The following LFNG variants were observed in gnomAD, a reference collection of about 807,000 sequenced individuals.
The protein encoded by LFNG is beta-1,3-N-acetylglucosaminyltransferase lunatic fringe.
LFNG carries 15 observed loss-of-function variants against 32.7 expected under a neutral mutation model. The ratio of observed to expected loss-of-function variants is 0.46; its 90% CI spans 0.31 to 0.71. LFNG has a LOEUF of 0.71. Ranked by LOEUF, LFNG falls within the 30% of genes least tolerant of loss-of-function variation. The pLI, the probability that LFNG is intolerant of heterozygous loss-of-function variation, is 0.06. For synonymous variants in LFNG, 274 were observed against 246.8 expected, an observed-to-expected ratio of 1.11 and a Z score of -1.03; for missense variants, 520 against 545.7, an observed-to-expected ratio of 0.95 and a Z score of 0.47.
At position 2,525,297 on chromosome 7, in the gene LFNG, G is replaced by A. The variant is rs372894218; in HGVS notation, c.560G>A (p.Arg187His). The A allele has an allele frequency of 1.6e-5, 26 of 1,612,994 alleles. No individual in the cohort carries two copies. In the South Asian group the frequency reaches 1.9e-4, roughly 12 times the overall value. Residue 187 changes from arginine (R) to histidine (H), a missense_variant, in exon 3 of 8, where the codon CGC becomes CAC. By Grantham distance (29) the Arg-to-His change is conservative. This residue lies in a region of LFNG where 360 missense variants were observed against 354.7 expected (regional missense o/e 1.01). Transcript: ENST00000222725. ...TGCAAGATGGCCGTGGAGTATGACCGCTTCATCGAGTCCGGCAGGAAGTGA... is the reference window on the plus strand; with the variant it reads ...TGCAAGATGGCCGTGGAGTATGACCACTTCATCGAGTCCGGCAGGAAGTGA... ...LSCKMAVEYDRFIESGRKWFC... is the reference protein window; with the variant it reads ...LSCKMAVEYDHFIESGRKWFC...
chr7:2,528,471 C>T, downstream of LFNG: 2 of 979,808 alleles, frequency 2.0e-6, no homozygotes, highest in Non-Finnish European at 2.4e-6. Context: ...GGCCTAAGCC[C>T]CAGGGCAGCC....
At chr7:2,514,874 CCATT>C (rs1562548678), upstream of LFNG, among the ~76,000 whole-genome samples, 2 of 151,966 alleles carry the variant, frequency 1.3e-5, no homozygotes, top group Non-Finnish European at 1.5e-5. Flanking sequence ...ATCCATCCAT[CCATT>C]CATCCATGCA....
chr7:2,525,266 C>T lies in LFNG; in HGVS notation c.529C>T (p.Leu177=). Reference sequence around the variant, plus strand: ...CTCGGCCGCCCACAGCCGCCAGGCGCTGTCCTGCAAGATGGCCGTGGAGTA... The same window carrying T: ...CTCGGCCGCCCACAGCCGCCAGGCGTTGTCCTGCAAGATGGCCGTGGAGTA... ...NCSAAHSRQA[L]SCKMAVEYDR... is the part of the protein sequence containing the mutation. The change falls in exon 3 of 8, where the codon CTG becomes TTG. Residue 177 remains leucine, a synonymous_variant. Coordinates refer to ENST00000222725, the MANE Select transcript of LFNG (RefSeq NM_001040167.2). The T allele has an allele frequency of 6.2e-7, 1 of 1,613,034 alleles. No individual in the cohort carries two copies. Among genetic ancestry groups the T allele is most frequent in the Non-Finnish European group, 8.5e-7 (1 of 1,179,914 alleles).
chr7:2,529,100 G>C (rs1202543862), downstream of LFNG: 2 of 394,720 alleles, frequency 5.1e-6, no homozygotes, highest in East Asian at 3.7e-5. The surrounding 1 kb of genome is among the most constrained non-coding windows in gnomAD (Gnocchi z 4.2). Context: ...CCCCACTGCA[G>C]CTGGTCCCAG....
chr7:2,526,781 G>A lies in LFNG; in HGVS notation c.988-55G>A. 6.5e-7 allele frequency: 1 copy of A among 1,549,846 alleles called. No individual in the cohort carries two copies. Among genetic ancestry groups the A allele is most frequent in the Non-Finnish European group, 8.9e-7 (1 of 1,124,832 alleles). On this transcript the variant is annotated intron_variant, in intron 6 of 7. Coordinates refer to ENST00000222725, the MANE Select transcript of LFNG (RefSeq NM_001040167.2). The surrounding 1 kb of genome is among the most constrained non-coding windows in gnomAD (Gnocchi z 6.9). ...CTCAGGGCTGTGTGGCCAGCCTGGG[G>A]CGGGGCCCAGGGATGTCGGGCCCCT...
Position 2,526,930 on chromosome 7 carries a change from A to AC in LFNG, c.1073+13dup. ...GAGGCCGACCCATCCAGGTAAGGAA[A>AC]CCCCGGCCCAGATGGGCTTGCGTAG... On this transcript the variant is annotated intron_variant, in intron 7 of 7. Transcript: ENST00000222725. This position sits in a 1 kb window ranked among gnomAD's most constrained non-coding sequence, Gnocchi z 6.9. 6.2e-7 allele frequency: 1 copy of AC among 1,611,454 alleles called. No individual in the cohort carries two copies. The highest frequency in any genetic ancestry group is 8.5e-7 in the Non-Finnish European group (1 of 1,179,406).
chr7:2,524,388 G>A (rs958631874), intron 1 of LFNG, among the ~76,000 whole-genome samples: 3 of 152,180 alleles, frequency 2.0e-5, no homozygotes, highest in South Asian at 2.1e-4. Flanking sequence ...CGGGCGAGGC[G>A]CACCACCTGG....
upstream of LFNG, chr7:2,517,794 G>T (rs377234884): frequency 3.9e-5 from 41 of 1,058,914 alleles, no homozygotes; most frequent in Non-Finnish European, 5.1e-5. Flanking sequence ...CTCAAGAAAC[G>T]GGGCTGGGAC....
Position 2,526,539 on chromosome 7 carries a change from G to GC in LFNG, c.987+130_987+131insC, listed in dbSNP as rs1779981922. 3 of 1,006,298 alleles carry GC rather than the reference G, an allele frequency of 3.0e-6. No homozygotes were observed. The African/African-American group carries it at 4.8e-5, about 16-fold the overall frequency. The allele number at this position is 1,006,298 out of a possible 1,614,324, so 62.3% of individuals were successfully genotyped here. On this transcript the variant is annotated intron_variant, in intron 6 of 7. Coordinates refer to ENST00000222725, the MANE Select transcript of LFNG (RefSeq NM_001040167.2). This position sits in a 1 kb window ranked among gnomAD's most constrained non-coding sequence, Gnocchi z 6.9. ...CCAGGCAGCACTCCACTGTCAGCCA[G>GC]GGGGGGTCACTCCTGCCATGAGCTC... is the stretch of plus-strand genomic sequence containing the variant.
Position 2,520,319 on chromosome 7 carries a change from C to T in LFNG, c.432+26C>T. The T allele has an allele frequency of 6.3e-7, 1 of 1,594,910 alleles. No homozygotes were observed. Among genetic ancestry groups the T allele is most frequent in the East Asian group, 2.3e-5 (1 of 43,334 alleles). On this transcript the variant is annotated intron_variant, in intron 1 of 7. Transcript: ENST00000222725. This position sits in a 1 kb window ranked among gnomAD's most constrained non-coding sequence, Gnocchi z 5.0. ...GTGAGCCCCCCGCGGCCTGGACTGG[C>T]GGGCGAGCGGGGCGGGGACCCACCA...
chr7:2,528,976 G>A (rs1229938923), downstream of LFNG: 5 of 495,794 alleles, frequency 1.0e-5, no homozygotes, highest in African/African-American at 6.1e-5. Flanking sequence ...CCGTGGGTCC[G>A]GCCGCCCCAC....
Position 2,519,851 on chromosome 7 carries a change from G to A in LFNG, c.-11G>A. 4 of 1,081,350 alleles carry A rather than the reference G, an allele frequency of 3.7e-6. No individual in the cohort carries two copies. Among genetic ancestry groups the A allele is most frequent in the Non-Finnish European group, 3.4e-6 (3 of 892,740 alleles). 67.0% of individuals were successfully genotyped at this position (1,081,350 alleles called of 1,614,324 possible). A position where few individuals can be genotyped will look rare whatever the true frequency, so the allele number is the denominator to read the frequency against. Reference sequence around the variant, plus strand: ...ACGGGGAAGGGCGCGCCGCGCGGCCGCCACCCCACCATGCTCAAGCGCTGC... The same window carrying A: ...ACGGGGAAGGGCGCGCCGCGCGGCCACCACCCCACCATGCTCAAGCGCTGC... On this transcript the variant is annotated 5_prime_UTR_variant, in exon 1 of 8. Coordinates refer to ENST00000222725, the MANE Select transcript of LFNG (RefSeq NM_001040167.2).
chr7:2,525,388 C>T (rs746428496), intron 3 of LFNG, 26 bp from the exon 4 acceptor site: 5 of 1,612,704 alleles, frequency 3.1e-6, no homozygotes, highest in Middle Eastern at 1.6e-4. Flanking sequence ...GCATGCCCTC[C>T]CCCGATGGCC....
At chr7:2,524,670 C>A in intron 1 of LFNG, 25 bp from the exon 2 acceptor site, 1 of 1,570,658 alleles carries the variant, frequency 6.4e-7, no homozygotes, top group South Asian at 1.2e-5. Flanking sequence ...GGGCTGCCTG[C>A]TGAAGGCCGA....
chr7:2,524,044 C>T (rs1431547956), intron 1 of LFNG, among the ~76,000 whole-genome samples: 3 of 152,162 alleles, frequency 2.0e-5, no homozygotes, highest in African/African-American at 7.2e-5. Flanking sequence ...GGCGGCGCGG[C>T]CACTCTGCTT....
At chr7:2,523,230 T>C (rs1779843301) in intron 1 of LFNG, among the ~76,000 whole-genome samples, 1 of 152,182 alleles carries the variant, frequency 6.6e-6, no homozygotes, top group Non-Finnish European at 1.5e-5. Context: ...GCTGAGATTC[T>C]GGGGAGGCCA....
intron 1 of LFNG, among the ~76,000 whole-genome samples, chr7:2,523,171 A>G (rs1374577192): frequency 6.6e-6 from 1 of 152,216 alleles, no homozygotes; most frequent in Admixed American, 6.5e-5. Flanking sequence ...CCAGCGGCGC[A>G]GTGGAGCGTC....
intron 1 of LFNG, among the ~76,000 whole-genome samples, chr7:2,524,258 C>A (rs1159229801): frequency 6.6e-6 from 1 of 152,206 alleles, no homozygotes; most frequent in Non-Finnish European, 1.5e-5. Flanking sequence ...GTCCCTCCCG[C>A]CACCCCGCCT....
chr7:2,525,296 C>T lies in LFNG; in HGVS notation c.559C>T (p.Arg187Cys), dbSNP rs764283232. The stretch of plus-strand genomic sequence containing the variant: ...CTGCAAGATGGCCGTGGAGTATGAC[C>T]GCTTCATCGAGTCCGGCAGGAAGTG... ...LSCKMAVEYD[R>C]FIESGRKWFC... The change falls in exon 3 of 8, where the codon CGC (arginine) becomes TGC (cysteine). Residue 187 changes from arginine to cysteine, a missense_variant. Arg to Cys is a radical substitution (Grantham distance 180). This residue lies in a region of LFNG where 360 missense variants were observed against 354.7 expected (regional missense o/e 1.01). Coordinates refer to ENST00000222725, the MANE Select transcript of LFNG (RefSeq NM_001040167.2). 46 of 1,612,876 alleles carry T rather than the reference C, an allele frequency of 2.9e-5. No individual in the cohort carries two copies. Among genetic ancestry groups the T allele is most frequent in the African/African-American group, 1.9e-4 (14 of 74,930 alleles).
Sources: gnomAD v4.1 joint callset for allele counts (sites outside exome capture counted in the v4.1 genomes callset) on GRCh38, gnomAD v4.1.1 for gene constraint, gnomAD v4.1.1 regional missense constraint, Gnocchi (gnomAD v3.1) non-coding constraint, MANE v1.5 for transcripts, NCBI Gene and HGNC (gene_info 2026-07-23, HGNC 2026-07-21) for gene names.